FLII: variants seen among roughly 807,000 people sequenced by gnomAD.
FLII encodes the protein FLII actin remodeling protein.
A neutral mutation model predicts 156.2 loss-of-function variants in FLII; 101 were observed. That is an observed-to-expected ratio of 0.65 (90% CI 0.55 to 0.76). The LOEUF (loss-of-function observed/expected upper bound fraction) is 0.76, where lower values mean the gene tolerates loss of function less well. Among genes scored for constraint, FLII ranks in the 30% least tolerant of loss-of-function variants. FLII has a pLI of 0.00. For synonymous variants in FLII, 767 were observed against 685.8 expected, an observed-to-expected ratio of 1.12 and a Z score of -1.85; for missense variants, 1,675 against 1,682.8, an observed-to-expected ratio of 1.00 and a Z score of 0.08.
Position 18,247,830 on chromosome 17 carries a change from T to C in FLII, c.2314A>G (p.Thr772Ala). The change falls in exon 20 of 30, where the codon ACG (threonine) becomes GCG (alanine). Residue 772 changes from threonine (T) to alanine (A), a missense_variant. Thr to Ala is a moderately conservative substitution (Grantham distance 58). This residue lies in a region of FLII where 1,332 missense variants were observed against 1,269.3 expected (regional missense o/e 1.05). Transcript: ENST00000327031. Reference protein sequence around the residue: ...RMRLLQSLLDTRCVYILDCWS... With the variant: ...RMRLLQSLLDARCVYILDCWS... ...CAGTCCAGAATGTACACGCAGCGCGTGTCCAGCAGACTCTGCAGCTGCGGA... is the reference window on the plus strand; with the variant it reads ...CAGTCCAGAATGTACACGCAGCGCGCGTCCAGCAGACTCTGCAGCTGCGGA... The C allele has an allele frequency of 6.2e-7, 1 of 1,613,748 alleles. No individual in the cohort carries two copies. Among genetic ancestry groups the C allele is most frequent in the Non-Finnish European group, 8.5e-7 (1 of 1,180,016 alleles).
At position 18,246,204 on chromosome 17, in the gene FLII, G is replaced by A. The variant is rs147718630; in HGVS notation, c.3225C>T (p.Thr1075=). The A allele has an allele frequency of 6.8e-6, 11 of 1,614,026 alleles. No homozygotes were observed. The highest frequency in any genetic ancestry group is 1.7e-5 in the Admixed American group (1 of 60,004). The part of the protein sequence containing the change: ...ALCTRCIQIN[T]DSSLLNSEFC... ...ACTCGGAGTTGAGGAGGCTGGAGTC[G>A]GTGTTGATCTGGATGCACCTGTGGA... Residue 1075 remains threonine (T), a synonymous_variant, in exon 25 of 30, where the codon ACC becomes ACT. Transcript: ENST00000327031.
Position 18,247,033 on chromosome 17 carries a change from T to TC in FLII, c.2695dup (p.Glu899GlyfsTer72). On this transcript the variant is annotated frameshift_variant, in exon 22 of 30. Coordinates refer to ENST00000327031, the MANE Select transcript of FLII (RefSeq NM_002018.4). LOFTEE classifies it high-confidence loss of function. Reference sequence around the variant, plus strand: ...CATGCCGTCTAGGTCTTCGTTCCACTCCTCCATCAGCTGCTCCGCCTGCAG... The same window carrying TC: ...CATGCCGTCTAGGTCTTCGTTCCACTCCCTCCATCAGCTGCTCCGCCTGCAG... 1 of 1,612,638 alleles carries TC rather than the reference T, an allele frequency of 6.2e-7. No homozygotes were observed. The highest frequency in any genetic ancestry group is 8.5e-7 in the Non-Finnish European group (1 of 1,179,932).
At position 18,245,336 on chromosome 17, in the gene FLII, T is replaced by G. The variant is rs764239209; in HGVS notation, c.3675+18A>C. 30 of 1,613,950 alleles carry G rather than the reference T, an allele frequency of 1.9e-5. No homozygotes were observed. Among genetic ancestry groups the G allele is most frequent in the Non-Finnish European group, 2.2e-5 (26 of 1,179,968 alleles). On this transcript the variant is annotated intron_variant, in intron 29 of 29. Coordinates refer to ENST00000327031, the MANE Select transcript of FLII (RefSeq NM_002018.4). Reference sequence around the variant, plus strand: ...CCTGCCCACAGGCCCACCTCGGCCCTCCCTCCACCCAGATTACCTGGCAGG... The same window carrying G: ...CCTGCCCACAGGCCCACCTCGGCCCGCCCTCCACCCAGATTACCTGGCAGG...
chr17:18,256,975 C>A lies in FLII; in HGVS notation c.108G>T (p.Arg36=). ...PENVKAMTSL[R]WLKLNRTGLC... ...GGCCAGTGCGGTTCAGCTTCAGCCA[C>A]CGCAGGCTGGTCATGGCCTTGACAT... Residue 36 remains arginine, a synonymous_variant, in exon 2 of 30, where the codon CGG becomes CGT. Coordinates refer to ENST00000327031, the MANE Select transcript of FLII (RefSeq NM_002018.4). 6.2e-7 allele frequency: 1 copy of A among 1,611,900 alleles called. No individual in the cohort carries two copies. The highest frequency in any genetic ancestry group is 8.5e-7 in the Non-Finnish European group (1 of 1,179,234).
At chr17:18,250,286 C>T (rs1597909435) in intron 14 of FLII, among the ~76,000 whole-genome samples, 1 of 152,202 alleles carries the variant, frequency 6.6e-6, no homozygotes, top group South Asian at 2.1e-4. Context: ...GAGTGGAAAC[C>T]TGGGTGAATG....
Position 18,253,600 on chromosome 17 carries a change from G to A in FLII, c.799C>T (p.Gln267Ter). 6.2e-7 allele frequency: 1 copy of A among 1,614,120 alleles called. No individual in the cohort carries two copies. Among genetic ancestry groups the A allele is most frequent in the Admixed American group, 1.7e-5 (1 of 60,034 alleles). The change falls in exon 8 of 30, where the codon CAG becomes TAG. Residue 267 changes from glutamine (Q) to a stop codon, truncating the protein, a stop_gained. Transcript: ENST00000327031. LOFTEE classifies it high-confidence loss of function. ...QITELSLCIDQWVHVETLNLS... is the reference protein window; with the variant it reads ...QITELSLCID ...TTCAGAGTTTCCACGTGCACCCACTGGTCTATGCACAGGGACAGCTCCGTG... is the reference window on the plus strand; with the variant it reads ...TTCAGAGTTTCCACGTGCACCCACTAGTCTATGCACAGGGACAGCTCCGTG...
At chr17:18,249,955 C>T (rs891383320) in intron 14 of FLII, among the ~76,000 whole-genome samples, 9 of 150,332 alleles carry the variant, frequency 6.0e-5, no homozygotes, top group Non-Finnish European at 8.9e-5. Context: ...CCCATCACTA[C>T]TAAAAAAATA....
Position 18,247,759 on chromosome 17 carries a change from C to T in FLII, c.2385G>A (p.Leu795=), listed in dbSNP as rs1385701495. The T allele has an allele frequency of 2.5e-6, 4 of 1,608,182 alleles. No individual in the cohort carries two copies. Among genetic ancestry groups the T allele is most frequent in the South Asian group, 1.1e-5 (1 of 91,068 alleles). ...CCAGCTTGAGGGCGGCAGCGCGCAC[C>T]AGGCGCGGGGACTTGCGGCCGAGCC... is the stretch of plus-strand genomic sequence containing the variant. ...FIWLGRKSPR[L]VRAAALKLGQ... The change falls in exon 20 of 30, where the codon CTG becomes CTA. Residue 795 remains leucine (L), a synonymous_variant. Transcript: ENST00000327031.
rs1221862481 is a variant in FLII, at chr17:18,247,980, G to T, written c.2244C>A (p.Ser748=). Residue 748 remains serine, a synonymous_variant, in exon 19 of 30, where the codon TCC becomes TCA. Transcript: ENST00000327031. The part of the protein sequence containing the change: ...LELPQINYKL[S]VEHKQRPKVE... ...CCTTGGGACGCTGCTTATGTTCCAC[G>T]GAGAGCTTGTAGTTGATCTGTGGCA... 1 of 1,614,086 alleles carries T rather than the reference G, an allele frequency of 6.2e-7. No homozygotes were observed. The highest frequency in any genetic ancestry group is 8.5e-7 in the Non-Finnish European group (1 of 1,179,988).
In FLII at chr17:18,245,601, T is replaced by C. The variant is rs1364812047; in HGVS notation, c.3563A>G (p.Asp1188Gly). ...VTEKCSDFCQDDLADDDIMLL... is the reference protein window; with the variant it reads ...VTEKCSDFCQGDLADDDIMLL... Reference sequence around the variant, plus strand: ...CATGATGTCATCATCTGCCAGGTCATCTTGGCAAAAGTCGGAGCATTTCTC... The same window carrying C: ...CATGATGTCATCATCTGCCAGGTCACCTTGGCAAAAGTCGGAGCATTTCTC... The change falls in exon 28 of 30, where the codon GAT (aspartate) becomes GGT (glycine). Residue 1188 changes from aspartate (D) to glycine (G), a missense_variant. Around this residue, in one of 2 missense-constraint regions of FLII, gnomAD observed 1,332 missense variants for 1,269.3 expected, o/e 1.05. Coordinates refer to ENST00000327031, the MANE Select transcript of FLII (RefSeq NM_002018.4). The C allele has an allele frequency of 1.9e-6, 3 of 1,613,984 alleles. No homozygotes were observed. Among genetic ancestry groups the C allele is most frequent in the Admixed American group, 1.7e-5 (1 of 60,020 alleles).
rs773105809 is a variant in FLII at position 18,245,419 on chromosome 17, C to T, written c.3610G>A (p.Val1204Ile). 6.2e-7 allele frequency: 1 copy of T among 1,614,160 alleles called. No homozygotes were observed. Among genetic ancestry groups the T allele is most frequent in the South Asian group, 1.1e-5 (1 of 91,082 alleles). The stretch of plus-strand genomic sequence containing the variant: ...GTCTGGGTCCCCACCCACATGTAGA[C>T]CTGTGGGGGCAGCAGGGGAGATACG... ...DIMLLDNGQE[V>I]YMWVGTQTSQ... Residue 1204 changes from valine to isoleucine, a missense_variant and splice_region_variant, in exon 29 of 30, where the codon GTC becomes ATC. Transcript: ENST00000327031.
rs1473044231 is a variant in FLII at position 18,246,705 on chromosome 17, G to C, written c.2940C>G (p.Phe980Leu). Reference sequence around the variant, plus strand: ...CCTGCCAGAAGTACACGATGCACTGGAAGTCCTCCTCTGGCTGCTTCTCCT... The same window carrying C: ...CCTGCCAGAAGTACACGATGCACTGCAAGTCCTCCTCTGGCTGCTTCTCCT... ...EAEEKQPEED[F>L]QCIVYFWQGR... Residue 980 changes from phenylalanine to leucine, a missense_variant, in exon 23 of 30, where the codon TTC becomes TTG. Physicochemically the swap from Phe to Leu is conservative, Grantham distance 22 (BLOSUM62 0). This residue lies in a region of FLII where 1,332 missense variants were observed against 1,269.3 expected (regional missense o/e 1.05). Coordinates refer to ENST00000327031, the MANE Select transcript of FLII (RefSeq NM_002018.4). 4.3e-6 allele frequency: 7 copies of C among 1,613,480 alleles called. No homozygotes were observed. The highest frequency in any genetic ancestry group is 5.9e-6 in the Non-Finnish European group (7 of 1,179,768).
rs2048107019 is a variant in FLII, at chr17:18,247,290, GC to G, written c.2554del (p.Ala852ProfsTer12). On this transcript the variant is annotated frameshift_variant, in exon 21 of 30. Coordinates refer to ENST00000327031, the MANE Select transcript of FLII (RefSeq NM_002018.4). LOFTEE classifies it high-confidence loss of function. ...GGAGAGACCCGGGCTCTGCAGCACG[GC>G]CTCCGCATTGCGTGTGTAGTCCACC... ...LTVDYTRNAEAVLQSPGLSGK... is the reference protein window; with the variant it reads ...LTVDYTRNAEXVLQSPGLSGK... 1.2e-6 allele frequency: 2 copies of G among 1,612,426 alleles called. No individual in the cohort carries two copies. Among genetic ancestry groups the G allele is most frequent in the Non-Finnish European group, 1.7e-6 (2 of 1,179,634 alleles).
chr17:18,258,707 C>G lies in FLII; in HGVS notation c.-17G>C. On this transcript the variant is annotated 5_prime_UTR_variant, in exon 1 of 30. Transcript: ENST00000327031. The surrounding 1 kb of genome is among the most constrained non-coding windows in gnomAD (Gnocchi z 4.2). ...GGCCTCCATGGCGCCGCTCTCGCTG[C>G]CGGGCCGCGCCGGGCTAGGGAGCGC... 3 of 1,454,672 alleles carry G rather than the reference C, an allele frequency of 2.1e-6. No homozygotes were observed. The highest frequency in any genetic ancestry group is 2.7e-6 in the Non-Finnish European group (3 of 1,108,882). 90.1% of individuals were successfully genotyped at this position (1,454,672 alleles called of 1,614,324 possible).
intron 2 of FLII, 39 bp downstream of exon 2, chr17:18,256,870 T>C (rs753936945): frequency 7.1e-7 from 1 of 1,405,078 alleles, no homozygotes; most frequent in East Asian, 2.4e-5. Flanking sequence ...ACCTGGCTCA[T>C]CCACAGGGAC....
intron 10 of FLII, 88 bp downstream of exon 10, chr17:18,252,384 C>T (rs1489939828): frequency 1.8e-5 from 24 of 1,304,000 alleles, no homozygotes; most frequent in East Asian, 1.2e-4. Flanking sequence ...GGCCACCTCC[C>T]TCAGGAGGCC....
In FLII at chr17:18,244,837, T is replaced by A. The variant is rs914670701; in HGVS notation, c.*301A>T. The A allele has an allele frequency of 1.0e-5, 4 of 396,102 alleles. No homozygotes were observed. Among genetic ancestry groups the A allele is most frequent in the African/African-American group, 8.2e-5 (4 of 48,508 alleles). 24.5% of individuals were successfully genotyped at this position (396,102 alleles called of 1,614,324 possible). ...CCATTTTAATATTAAAAATACTGAT[T>A]TTTAATATTGAAAATAAAAGCATTT... On this transcript the variant is annotated 3_prime_UTR_variant, in exon 30 of 30. Transcript: ENST00000327031.
chr17:18,247,491 T>A, intron 20 of FLII, 134 bp from the exon 21 acceptor site: 1 of 1,054,998 alleles, frequency 9.5e-7, no homozygotes, highest in Non-Finnish European at 1.4e-6. Flanking sequence ...GACACGGAGG[T>A]AGGAATAGGA....
At position 18,245,144 on chromosome 17, in the gene FLII, C is replaced by T. The variant is rs576669385; in HGVS notation, c.3804G>A (p.Leu1268=). The T allele has an allele frequency of 1.2e-6, 2 of 1,612,392 alleles. No individual in the cohort carries two copies. Among genetic ancestry groups the T allele is most frequent in the South Asian group, 1.1e-5 (1 of 90,942 alleles). The change falls in exon 30 of 30, where the codon CTG becomes CTA. Residue 1268 remains leucine, a synonymous_variant. Coordinates refer to ENST00000327031, the MANE Select transcript of FLII (RefSeq NM_002018.4). Reference sequence around the variant, plus strand: ...GGGGCTGTGCCAGCCTGTCTTAGGCCAGGGCCTTGCAGAAGGCGCTCCAGG... The same window carrying T: ...GGGGCTGTGCCAGCCTGTCTTAGGCTAGGGCCTTGCAGAAGGCGCTCCAGG... The part of the protein sequence containing the change: ...FHAWSAFCKA[L]A
Sources: allele counts gnomAD v4.1 joint callset (sites outside exome capture counted in the v4.1 genomes callset), GRCh38; gene constraint gnomAD v4.1.1; regional missense constraint gnomAD v4.1.1; non-coding constraint Gnocchi (gnomAD v3.1); transcripts MANE v1.5; gene names NCBI Gene and HGNC (gene_info 2026-07-23, HGNC 2026-07-21).